Variants in CENPP observed in about 807,000 individuals in gnomAD.
CENPP encodes the protein centromere protein P.
A neutral mutation model predicts 35.6 loss-of-function variants in CENPP; 24 were observed. The ratio of observed to expected loss-of-function variants is 0.67; its 90% CI spans 0.49 to 0.95. CENPP has a LOEUF of 0.95. Among genes scored for constraint, CENPP ranks in the 40% least tolerant of loss-of-function variants. CENPP has a pLI of 0.00. For missense variants in CENPP, 332 were observed against 345.3 expected (o/e 0.96, Z 0.31); for synonymous variants, 120 against 125.5 (o/e 0.96, Z 0.29).
chr9:92,430,189 G>C (rs1844069870), intron 5 of CENPP, among the ~76,000 whole-genome samples: 1 of 152,056 alleles, frequency 6.6e-6, no homozygotes, highest in African/African-American at 2.4e-5. Flanking sequence ...TATGGATCTG[G>C]TTGAAAATCT....
At chr9:92,549,601 C>T (rs905677961) in intron 5 of CENPP, among the ~76,000 whole-genome samples, 2 of 150,178 alleles carry the variant, frequency 1.3e-5, no homozygotes, top group African/African-American at 2.5e-5. Flanking sequence ...GAGCCAAGAT[C>T]GCGCCACTGC....
chr9:92,598,120 G>C (rs551519967), intron 5 of CENPP, among the ~76,000 whole-genome samples: 2 of 152,304 alleles, frequency 1.3e-5, no homozygotes, highest in East Asian at 1.9e-4. Context: ...CACCAATTCT[G>C]ATTTCCCAAA....
At chr9:92,338,920 C>T (rs375389101) in intron 3 of CENPP, among the ~76,000 whole-genome samples, 1 of 152,116 alleles carries the variant, frequency 6.6e-6, no homozygotes, top group Non-Finnish European at 1.5e-5. Flanking sequence ...AGCAGGAAAG[C>T]GAAAGCAGAC....
At chr9:92,535,094 C>CT (rs924272411) in intron 5 of CENPP, among the ~76,000 whole-genome samples, 19 of 148,994 alleles carry the variant, frequency 1.3e-4, no homozygotes, top group Non-Finnish European at 1.5e-4. Context: ...ACCTCTCTTT[C>CT]TTTTTTTCCC....
At chr9:92,561,755 A>G (rs1029861247) in intron 5 of CENPP, among the ~76,000 whole-genome samples, 4 of 152,214 alleles carry the variant, frequency 2.6e-5, no homozygotes, top group Admixed American at 1.3e-4. Context: ...CTGTTCCTGC[A>G]TACAGTATAC....
intron 5 of CENPP, among the ~76,000 whole-genome samples, chr9:92,452,208 C>G (rs1242399095): frequency 1.3e-5 from 2 of 151,948 alleles, no homozygotes; most frequent in East Asian, 3.9e-4. Flanking sequence ...CAGTTTTTGC[C>G]CATTCAGTAT....
At chr9:92,546,969 C>T (rs1849475456) in intron 5 of CENPP, among the ~76,000 whole-genome samples, 1 of 152,124 alleles carries the variant, frequency 6.6e-6, no homozygotes, top group Non-Finnish European at 1.5e-5. Context: ...TACAAACTGA[C>T]AGGGACGTCA....
intron 4 of CENPP, among the ~76,000 whole-genome samples, chr9:92,357,715 C>T (rs971432003): frequency 8.6e-5 from 13 of 151,958 alleles, no homozygotes; most frequent in African/African-American, 2.9e-4. Context: ...TTAGGCTTAT[C>T]TCCGATTCCC....
chr9:92,493,633 A>T (rs1588176988), intron 5 of CENPP: 1 of 152,742 alleles, frequency 6.5e-6, no homozygotes, highest in South Asian at 2.1e-4. Flanking sequence ...CAAACAGAAC[A>T]TCTGTTTTTT....
At chr9:92,328,508 C>T (rs1476652701) in intron 1 of CENPP, among the ~76,000 whole-genome samples, 1 of 152,068 alleles carries the variant, frequency 6.6e-6, no homozygotes, top group African/African-American at 2.4e-5. Flanking sequence ...AAAATTATAC[C>T]CAAGTTTTTG....
chr9:92,493,531 C>G (rs191759471), intron 5 of CENPP: 4 of 152,162 alleles, frequency 2.6e-5, no homozygotes, highest in African/African-American at 9.6e-5. Context: ...TATACAAAGA[C>G]AAGACACACC....
chr9:92,477,109 C>G (rs1845738657), intron 5 of CENPP, among the ~76,000 whole-genome samples: 1 of 152,070 alleles, frequency 6.6e-6, no homozygotes, highest in Non-Finnish European at 1.5e-5. Flanking sequence ...TTGGAGAGCC[C>G]CAGGTGGAAA....
At chr9:92,362,721 C>G (rs1334258225) in intron 4 of CENPP, among the ~76,000 whole-genome samples, 1 of 152,192 alleles carries the variant, frequency 6.6e-6, no homozygotes, top group East Asian at 1.9e-4. Context: ...CCTACCTTAT[C>G]TACTCTCTAC....
At chr9:92,588,635 A>C (rs562500815) in intron 5 of CENPP, among the ~76,000 whole-genome samples, 2 of 152,266 alleles carry the variant, frequency 1.3e-5, no homozygotes, top group African/African-American at 4.8e-5. Context: ...CTCAGGGAAA[A>C]GTGTTTTGAA....
intron 5 of CENPP, among the ~76,000 whole-genome samples, chr9:92,458,406 T>C (rs1454211002): frequency 6.6e-6 from 1 of 152,196 alleles, no homozygotes; most frequent in Non-Finnish European, 1.5e-5. Flanking sequence ...TATGTCTTAG[T>C]AAGACTGATA....
intron 5 of CENPP, among the ~76,000 whole-genome samples, chr9:92,592,187 G>A: frequency 6.6e-6 from 1 of 151,800 alleles, no homozygotes; most frequent in Non-Finnish European, 1.5e-5. Context: ...ATTTATACAT[G>A]ATAAATATAC....
intron 5 of CENPP, among the ~76,000 whole-genome samples, chr9:92,549,868 G>A (rs1228363649): frequency 1.3e-5 from 2 of 152,148 alleles, no homozygotes; most frequent in African/African-American, 4.8e-5. Context: ...TCAGGAGCCA[G>A]GCTTAGTAAT....
chr9:92,520,225 G>C (rs1847979876), intron 5 of CENPP, among the ~76,000 whole-genome samples: 1 of 151,544 alleles, frequency 6.6e-6, no homozygotes, highest in African/African-American at 2.4e-5. Flanking sequence ...CAAGACTGCA[G>C]TGAGCTATGA....
intron 5 of CENPP, among the ~76,000 whole-genome samples, chr9:92,584,121 C>T (rs899152100): frequency 6.6e-6 from 1 of 152,222 alleles, no homozygotes; most frequent in Non-Finnish European, 1.5e-5. Context: ...AGCCATCCCC[C>T]AGTCCCAGCC....
Sources: allele counts gnomAD v4.1 joint callset (sites outside exome capture counted in the v4.1 genomes callset), GRCh38; gene constraint gnomAD v4.1.1; transcripts MANE v1.5; gene names NCBI Gene and HGNC (gene_info 2026-07-23, HGNC 2026-07-21).